The following ABCB1 variants were observed in gnomAD, a reference collection of about 807,000 sequenced individuals.
ABCB1 encodes the protein ATP binding cassette subfamily B member 1.
A neutral mutation model predicts 142.0 loss-of-function variants in ABCB1; 69 were observed. That is an observed-to-expected ratio of 0.49 (90% confidence interval 0.40 to 0.59). The LOEUF (loss-of-function observed/expected upper bound fraction) is 0.59, where lower values mean the gene tolerates loss of function less well. Ranked by LOEUF, ABCB1 falls within the 20% of genes least tolerant of loss-of-function variation. The probability of loss-of-function intolerance (pLI) is 0.00; values close to 1 mark genes in which losing one functional copy is unlikely to be tolerated. For synonymous variants in ABCB1, 532 were observed against 539.2 expected (o/e 0.99, Z 0.18); for missense variants, 1,326 against 1,554.7 (o/e 0.85, Z 2.47).
At chr7:87,603,909 A>G (rs757385023), upstream of ABCB1, among the ~76,000 whole-genome samples, 156 of 152,294 alleles carry the variant, frequency 1.0e-3, 1 homozygote, top group Non-Finnish European at 1.8e-3. Flanking sequence ...GTGTATTTAA[A>G]AGATTTGTAC....
At chr7:87,610,380 T>A (rs1389143585) in intron 1 of ABCB1, among the ~76,000 whole-genome samples, 2 of 145,426 alleles carry the variant, frequency 1.4e-5, no homozygotes, top group African/African-American at 5.1e-5. Context: ...TGGGACTACA[T>A]ACTACCACAC....
rs1257473467 is a variant in ABCB1, at chr7:87,585,724, G to A, written c.118-44C>T. 3.1e-6 allele frequency: 5 copies of A among 1,594,456 alleles called. No homozygotes were observed. The Admixed American group carries it at 5.1e-5, about 16-fold the overall frequency. ...GAATAGCAGAGGAAAAATTAGTACA[G>A]TTTCATGGAAGATTTGCTTTTCCTT... is the stretch of plus-strand genomic sequence containing the variant. On this transcript the variant is annotated intron_variant, in intron 3 of 27. Coordinates refer to ENST00000622132, the MANE Select transcript of ABCB1 (RefSeq NM_001348946.2).
intron 4 of ABCB1, among the ~76,000 whole-genome samples, chr7:87,576,707 T>A (rs780574765): frequency 6.6e-6 from 1 of 151,708 alleles, no homozygotes; most frequent in Non-Finnish European, 1.5e-5. Flanking sequence ...TAAAGCCAAG[T>A]TGATAGTCCT....
intron 1 of ABCB1, chr7:87,709,601 G>C (rs1181809373): frequency 1.3e-6 from 1 of 752,682 alleles, no homozygotes; most frequent in Non-Finnish European, 1.6e-6. Flanking sequence ...TTTAACTACT[G>C]CCTATATTGA....
chr7:87,520,214 A>G (rs1563032055), intron 22 of ABCB1, among the ~76,000 whole-genome samples: 2 of 148,684 alleles, frequency 1.3e-5, no homozygotes, highest in Admixed American at 6.7e-5. Context: ...AGGCTCTACC[A>G]TCATTTTTTT....
intron 1 of ABCB1, among the ~76,000 whole-genome samples, chr7:87,613,049 G>T (rs752127438): frequency 1.0e-4 from 15 of 150,136 alleles, no homozygotes; most frequent in Non-Finnish European, 1.9e-4. Flanking sequence ...AGGGGGATTG[G>T]GTTCTTGATT....
chr7:87,512,992 G>GT (rs1283240280), intron 25 of ABCB1, among the ~76,000 whole-genome samples: 1 of 152,254 alleles, frequency 6.6e-6, no homozygotes, highest in Non-Finnish European at 1.5e-5. Context: ...GGTTCTGGAA[G>GT]TAAGTCAGGG....
chr7:87,568,191 C>T (rs1480677618), intron 5 of ABCB1, among the ~76,000 whole-genome samples: 6 of 149,140 alleles, frequency 4.0e-5, no homozygotes, highest in Non-Finnish European at 8.9e-5. Context: ...GTCAGGAGTT[C>T]GAGACCAGCC....
chr7:87,646,159 T>C (rs1822977429), intron 1 of ABCB1, among the ~76,000 whole-genome samples: 1 of 152,204 alleles, frequency 6.6e-6, no homozygotes, highest in Admixed American at 6.5e-5. Context: ...ATGACACAGA[T>C]AGTATCTTCT....
At chr7:87,655,294 C>G (rs1395866733) in intron 1 of ABCB1, among the ~76,000 whole-genome samples, 2 of 152,048 alleles carry the variant, frequency 1.3e-5, no homozygotes, top group Non-Finnish European at 2.9e-5. Flanking sequence ...GGATTATTCA[C>G]ACTAGCTAAG....
chr7:87,699,437 T>C (rs1828809813), intron 1 of ABCB1, among the ~76,000 whole-genome samples: 1 of 152,144 alleles, frequency 6.6e-6, no homozygotes, highest in South Asian at 2.1e-4. Context: ...AGAGTCCTGC[T>C]CTGTCACTCA....
intron 1 of ABCB1, among the ~76,000 whole-genome samples, chr7:87,607,280 T>C (rs1245228425): frequency 6.6e-6 from 1 of 152,174 alleles, no homozygotes; most frequent in African/African-American, 2.4e-5. Context: ...ATACCTCCAC[T>C]TGAGGAAGAT....
intron 1 of ABCB1, among the ~76,000 whole-genome samples, chr7:87,682,101 T>G (rs1382795462): frequency 6.6e-6 from 1 of 152,228 alleles, no homozygotes; most frequent in Non-Finnish European, 1.5e-5. Context: ...AGAAACCACT[T>G]TCTTTGCTCA....
chr7:87,675,074 C>A (rs1314437837), intron 1 of ABCB1, among the ~76,000 whole-genome samples: 1 of 152,232 alleles, frequency 6.6e-6, no homozygotes, highest in Non-Finnish European at 1.5e-5. Context: ...AGGATCCTGG[C>A]AGTCTGTGGT....
chr7:87,657,894 C>T (rs1824275724), intron 1 of ABCB1, among the ~76,000 whole-genome samples: 1 of 152,046 alleles, frequency 6.6e-6, no homozygotes, highest in South Asian at 2.1e-4. Context: ...GAAGCAATGC[C>T]CCCCTCCCAC....
chr7:87,639,881 C>T (rs974235125), intron 1 of ABCB1, among the ~76,000 whole-genome samples: 6 of 151,630 alleles, frequency 4.0e-5, no homozygotes, highest in Admixed American at 1.3e-4. Flanking sequence ...TTTTAATTAA[C>T]GTTATTACTA....
chr7:87,570,508 AAT>A (rs1018582257), intron 4 of ABCB1, among the ~76,000 whole-genome samples: 1 of 152,210 alleles, frequency 6.6e-6, no homozygotes, highest in Admixed American at 6.5e-5. Flanking sequence ...CTTGAATTAA[AAT>A]ATTTTTTGGA....
At position 87,520,887 on chromosome 7, in the gene ABCB1, C is replaced by G. The variant is rs371203919; in HGVS notation, c.2686-11G>C. On this transcript the variant is annotated splice_polypyrimidine_tract_variant and intron_variant, in intron 21 of 27. Transcript: ENST00000622132. ...TGCTTCAGTAGCGATCTGTAACAGA[C>G]AGCACCGATCACCAAGAGGCACAAG... 3 of 1,604,088 alleles carry G rather than the reference C, an allele frequency of 1.9e-6. No individual in the cohort carries two copies. Among genetic ancestry groups the G allele is most frequent in the South Asian group, 2.2e-5 (2 of 90,892 alleles).
In ABCB1 at chr7:87,702,098, G is replaced by A. The variant is rs760896605; in HGVS notation, c.-331+11063C>T. Among the ~76,000 whole-genome samples, 57 of 123,168 alleles carry A rather than the reference G, an allele frequency of 4.6e-4. No individual in the cohort carries two copies. The Middle Eastern group carries it at 0.021, about 45-fold the overall frequency. The allele number at this position is 123,168 out of a possible 152,430, so 80.8% of individuals were successfully genotyped here. ...GCGGAGCTTGCAGTGAGCAGAGATC[G>A]CGCCACTGCACTCCAGCCTGGGCAA... On this transcript the variant is annotated intron_variant, in intron 1 of 28. Transcript: ENST00000265724.
Sources: gnomAD v4.1 joint callset for allele counts (sites outside exome capture counted in the v4.1 genomes callset) on GRCh38, gnomAD v4.1.1 for gene constraint, MANE v1.5 for transcripts, NCBI Gene and HGNC (gene_info 2026-07-23, HGNC 2026-07-21) for gene names.